Variants in GRM1 observed in about 807,000 individuals in gnomAD.
The protein encoded by GRM1 is glutamate metabotropic receptor 1.
A neutral mutation model predicts 90.9 loss-of-function variants in GRM1; 33 were observed. That is an observed-to-expected ratio of 0.36 (90% CI 0.28 to 0.49). The LOEUF (loss-of-function observed/expected upper bound fraction) is 0.49, where lower values mean the gene tolerates loss of function less well. Ranked by LOEUF, GRM1 falls within the 20% of genes least tolerant of loss-of-function variation. The pLI is 0.99. For synonymous variants in GRM1, 700 were observed against 613.2 expected (o/e 1.14, Z -2.09); for missense variants, 1,190 against 1,534.3 (o/e 0.78, Z 3.75).
At chr6:146,287,944 C>A (rs79956752) in intron 2 of GRM1, among the ~76,000 whole-genome samples, 1,732 of 152,278 alleles carry the variant, frequency 0.011, 72 homozygotes, top group East Asian at 0.079. Flanking sequence ...GATAATCAAT[C>A]TGTGTTGTTT....
intron 7 of GRM1, among the ~76,000 whole-genome samples, chr6:146,401,069 T>A (rs1042911677): frequency 1.2e-4 from 19 of 152,160 alleles, no homozygotes; most frequent in African/African-American, 4.1e-4. Flanking sequence ...CCTTTAAATT[T>A]CTTGGTTTTT....
chr6:146,187,563 C>A (rs891224878), intron 2 of GRM1, among the ~76,000 whole-genome samples: 1 of 152,030 alleles, frequency 6.6e-6, no homozygotes, highest in East Asian at 1.9e-4. Flanking sequence ...AGATCATATT[C>A]TTTTGAATGA....
At chr6:146,288,362 C>G (rs1782841555) in intron 2 of GRM1, among the ~76,000 whole-genome samples, 1 of 152,104 alleles carries the variant, frequency 6.6e-6, no homozygotes, top group South Asian at 2.1e-4. Context: ...GAGAGCTTAG[C>G]TAAACTGTGG....
At chr6:146,163,709 C>T (rs1289725384) in intron 2 of GRM1, among the ~76,000 whole-genome samples, 4 of 152,208 alleles carry the variant, frequency 2.6e-5, no homozygotes, top group Admixed American at 6.5e-5. Flanking sequence ...TTTTAACTTG[C>T]TCTCTCTTTC....
intron 7 of GRM1, among the ~76,000 whole-genome samples, chr6:146,432,893 C>G (rs362816): frequency 0.64 from 97,250 of 152,054 alleles, 32,903 homozygotes; most frequent in African/African-American, 0.88. Context: ...CATATGGCTG[C>G]TTTTCTGTGG....
At chr6:146,238,774 T>C (rs985856769) in intron 2 of GRM1, among the ~76,000 whole-genome samples, 1 of 152,088 alleles carries the variant, frequency 6.6e-6, no homozygotes, top group Non-Finnish European at 1.5e-5. Context: ...GTGGACAGAT[T>C]TATGATTTTA....
At chr6:146,418,485 C>A (rs1284975918) in intron 7 of GRM1, among the ~76,000 whole-genome samples, 1 of 151,560 alleles carries the variant, frequency 6.6e-6, no homozygotes, top group Non-Finnish European at 1.5e-5. Flanking sequence ...GAAAAATCAC[C>A]ACTGATATTT....
At chr6:146,273,616 C>G (rs1451950709) in intron 2 of GRM1, among the ~76,000 whole-genome samples, 3 of 152,152 alleles carry the variant, frequency 2.0e-5, no homozygotes, top group African/African-American at 4.8e-5. Flanking sequence ...TTAAGATGCA[C>G]CATTCTTACA....
intron 1 of GRM1, among the ~76,000 whole-genome samples, chr6:146,121,957 G>A (rs1477562039): frequency 6.6e-6 from 1 of 152,132 alleles, no homozygotes; most frequent in Non-Finnish European, 1.5e-5. Context: ...TCTACTTGGT[G>A]CAGAGCTGAG....
At chr6:146,151,110 G>A (rs1295906612) in intron 1 of GRM1, among the ~76,000 whole-genome samples, 1 of 152,170 alleles carries the variant, frequency 6.6e-6, no homozygotes, top group Admixed American at 6.5e-5. Context: ...TTGGTTGACA[G>A]GGAGTGATCT....
At chr6:146,117,604 T>A (rs1197196340) in intron 1 of GRM1, among the ~76,000 whole-genome samples, 1 of 152,080 alleles carries the variant, frequency 6.6e-6, no homozygotes, top group Non-Finnish European at 1.5e-5. Context: ...TTATTTTTAC[T>A]TATTTTAAGG....
intron 1 of GRM1, among the ~76,000 whole-genome samples, chr6:146,039,923 T>C (rs1439611421): frequency 6.6e-6 from 1 of 151,952 alleles, no homozygotes; most frequent in Non-Finnish European, 1.5e-5. Flanking sequence ...CTGTTTGAGT[T>C]TGTGGTATCC....
In GRM1 at chr6:146,155,752, C is replaced by T. The variant is rs142489931; in HGVS notation, c.701-3596C>T. Among the ~76,000 whole-genome samples the T allele has an allele frequency of 1.1e-3, 161 of 152,278 alleles. 2 individuals carry two copies. In the East Asian group the frequency reaches 0.026, roughly 24 times the overall value. ...CCTCCTGGGATGAACCTTCCAATTT[C>T]TCCAACTTCATCTCTTCTCACTTTC... On this transcript the variant is annotated intron_variant, in intron 1 of 7. Coordinates refer to ENST00000282753, the MANE Select transcript of GRM1 (RefSeq NM_001278064.2).
At chr6:146,267,641 C>T (rs371234686) in intron 2 of GRM1, among the ~76,000 whole-genome samples, 3 of 54,746 alleles carry the variant, frequency 5.5e-5, no homozygotes, top group Admixed American at 2.3e-4. Flanking sequence ...GGCTGGGCTG[C>T]GCTGGGCTGG....
chr6:146,138,655 A>G (rs1776719445), intron 1 of GRM1, among the ~76,000 whole-genome samples: 1 of 151,926 alleles, frequency 6.6e-6, no homozygotes, highest in African/African-American at 2.4e-5. Flanking sequence ...TTGTCCAATT[A>G]TTGGCATATA....
intron 1 of GRM1, among the ~76,000 whole-genome samples, chr6:146,158,483 G>T (rs1777599194): frequency 1.3e-5 from 2 of 152,106 alleles, no homozygotes; most frequent in Admixed American, 6.5e-5. Flanking sequence ...TGTGACCCTG[G>T]ACATGTGTGG....
At chr6:146,177,606 A>G (rs1411300720) in intron 2 of GRM1, among the ~76,000 whole-genome samples, 2 of 152,124 alleles carry the variant, frequency 1.3e-5, no homozygotes, top group Non-Finnish European at 2.9e-5. Flanking sequence ...TTGGAAAAAA[A>G]TGAATTGCAT....
At position 146,335,956 on chromosome 6, in the gene GRM1, C is replaced by G. The variant is rs534342270; in HGVS notation, c.1187-16294C>G. ...CTGATGGTTTTACAGAGGGCAGTTC[C>G]CCTGCACATGATCTCCTGCCTGTGT... On this transcript the variant is annotated intron_variant, in intron 3 of 7. Coordinates refer to ENST00000282753, the MANE Select transcript of GRM1 (RefSeq NM_001278064.2). Among the ~76,000 whole-genome samples, 5 of 152,242 alleles carry G rather than the reference C, an allele frequency of 3.3e-5. No individual in the cohort carries two copies. The East Asian group carries it at 9.7e-4, about 29-fold the overall frequency.
chr6:146,379,861 A>G (rs890131825), intron 5 of GRM1, among the ~76,000 whole-genome samples: 1 of 152,038 alleles, frequency 6.6e-6, no homozygotes, highest in Non-Finnish European at 1.5e-5. Flanking sequence ...GACAAGATCC[A>G]GGACAAGTCT....
Sources: allele counts gnomAD v4.1 joint callset (sites outside exome capture counted in the v4.1 genomes callset), GRCh38; gene constraint gnomAD v4.1.1; transcripts MANE v1.5; gene names NCBI Gene and HGNC (gene_info 2026-07-23, HGNC 2026-07-21).